Variants in SLC17A8 observed in about 807,000 individuals in gnomAD.
SLC17A8 encodes vesicular glutamate transporter 3.
Under a neutral mutation model 58.0 loss-of-function variants are expected in SLC17A8, and 31 were observed. That is an observed-to-expected ratio of 0.53 (90% CI 0.40 to 0.72). The LOEUF is 0.72. SLC17A8 is among the 30% of genes least tolerant of loss of function. The probability of loss-of-function intolerance (pLI) is 0.00; values close to 1 mark genes in which losing one functional copy is unlikely to be tolerated. For missense variants in SLC17A8, 655 were observed against 727.8 expected, an observed-to-expected ratio of 0.90 and a Z score of 1.15; for synonymous variants, 228 against 249.0, an observed-to-expected ratio of 0.92 and a Z score of 0.79.
chr12:100,404,689 T>C (rs1952814639), intron 9 of SLC17A8, among the ~76,000 whole-genome samples: 1 of 152,226 alleles, frequency 6.6e-6, no homozygotes, highest in African/African-American at 2.4e-5. Context: ...TCTTTTTTGT[T>C]TAGCTTTTAA....
At position 100,380,677 on chromosome 12, in the gene SLC17A8, C is replaced by A. The variant is rs148710845; in HGVS notation, c.102-24C>A. The stretch of plus-strand genomic sequence containing the variant: ...TTCCTTTAATCCTGGCTTTTATTTT[C>A]TGCCTATCCTTTTTCCCATGTAGAA... On this transcript the variant is annotated intron_variant, in intron 1 of 11. Transcript: ENST00000323346. 5.2e-3 allele frequency: 8,347 copies of A among 1,612,640 alleles called. 28 individuals carry two copies. Among genetic ancestry groups the A allele is most frequent in the Non-Finnish European group, 6.5e-3 (7,614 of 1,179,566 alleles).
chr12:100,373,326 T>C (rs1019103825), intron 1 of SLC17A8, among the ~76,000 whole-genome samples: 2 of 151,936 alleles, frequency 1.3e-5, no homozygotes, highest in Non-Finnish European at 2.9e-5. Context: ...TCTTCTCTTA[T>C]TCTTAAATAA....
intron 2 of SLC17A8, 51 bp downstream of exon 2, chr12:100,381,004 C>T (rs1952633789): frequency 2.5e-6 from 4 of 1,608,226 alleles, no homozygotes; most frequent in Non-Finnish European, 3.4e-6. Flanking sequence ...CAGGGTCTCG[C>T]TCGGTCTCCC....
Position 100,418,708 on chromosome 12 carries a change from C to T in SLC17A8, c.1425+552C>T, listed in dbSNP as rs1389985050. ...ACCACAGCCCACATGATTTCTTTATCTTTGTCACTGAAACGTCTCAAGATG... is the reference window on the plus strand; with the variant it reads ...ACCACAGCCCACATGATTTCTTTATTTTTGTCACTGAAACGTCTCAAGATG... On this transcript the variant is annotated intron_variant, in intron 11 of 11. Transcript: ENST00000323346. Among the ~76,000 whole-genome samples, 3 of 152,196 alleles carry T rather than the reference C, an allele frequency of 2.0e-5. No individual in the cohort carries two copies. In the East Asian group the frequency reaches 5.8e-4, roughly 29 times the overall value.
At chr12:100,418,554 A>G (rs1053600453) in intron 11 of SLC17A8, among the ~76,000 whole-genome samples, 3 of 152,248 alleles carry the variant, frequency 2.0e-5, no homozygotes, top group Non-Finnish European at 4.4e-5. Flanking sequence ...CAGCATAAAA[A>G]GATGAGTGCT....
At chr12:100,368,108 A>G (rs1333622856) in intron 1 of SLC17A8, among the ~76,000 whole-genome samples, 1 of 152,206 alleles carries the variant, frequency 6.6e-6, no homozygotes, top group Non-Finnish European at 1.5e-5. Context: ...CTGCTGTAAC[A>G]AAGTACCACA....
intron 2 of SLC17A8, among the ~76,000 whole-genome samples, chr12:100,384,300 T>A (rs1034250282): frequency 1.3e-5 from 2 of 151,860 alleles, no homozygotes; most frequent in Non-Finnish European, 2.9e-5. Flanking sequence ...CTGGCTCGAG[T>A]TAAAAGGGGA....
chr12:100,391,658 T>C (rs1952717866), intron 3 of SLC17A8, among the ~76,000 whole-genome samples: 1 of 152,112 alleles, frequency 6.6e-6, no homozygotes, highest in Non-Finnish European at 1.5e-5. Flanking sequence ...ACCTTGCAAC[T>C]CTTCAAGTGA....
intron 5 of SLC17A8, among the ~76,000 whole-genome samples, chr12:100,398,194 C>A (rs1952766320): frequency 6.6e-6 from 1 of 152,174 alleles, no homozygotes; most frequent in South Asian, 2.1e-4. Flanking sequence ...CACCGCTATG[C>A]CTACTTTGTG....
rs1027913351 is a variant in SLC17A8, at chr12:100,373,632, T to G, written c.102-7069T>G. On this transcript the variant is annotated intron_variant, in intron 1 of 11. Transcript: ENST00000323346. ...CAGAGTCTCGCTCTGTCACCCAGGC[T>G]GGAGTGCAATGGCACCATCTCGGCT... Among the ~76,000 whole-genome samples, 3 of 141,558 alleles carry G rather than the reference T, an allele frequency of 2.1e-5. No individual in the cohort carries two copies. In the Admixed American group the frequency reaches 2.3e-4, roughly 11 times the overall value. 92.9% of individuals were successfully genotyped at this position (141,558 alleles called of 152,430 possible). A position where few individuals can be genotyped will look rare whatever the true frequency, so the allele number is the denominator to read the frequency against.
chr12:100,373,485 A>G (rs965944679), intron 1 of SLC17A8, among the ~76,000 whole-genome samples: 8 of 151,956 alleles, frequency 5.3e-5, no homozygotes, highest in African/African-American at 1.9e-4. Flanking sequence ...CATTGCTTCC[A>G]GGCACGATGC....
chr12:100,414,293 C>T (rs548166237), intron 10 of SLC17A8, among the ~76,000 whole-genome samples: 40 of 152,208 alleles, frequency 2.6e-4, no homozygotes, highest in Middle Eastern at 6.8e-3. Context: ...GTCTAAACTG[C>T]CCTAAGACAG....
intron 1 of SLC17A8, among the ~76,000 whole-genome samples, chr12:100,373,424 G>A (rs1952572213): frequency 6.6e-6 from 1 of 152,048 alleles, no homozygotes; most frequent in Admixed American, 6.6e-5. Context: ...CTTCAAGCCA[G>A]GAGTGATGTC....
intron 2 of SLC17A8, among the ~76,000 whole-genome samples, chr12:100,386,662 A>G (rs1334486988): frequency 6.7e-6 from 1 of 149,128 alleles, no homozygotes; most frequent in Non-Finnish European, 1.5e-5. Context: ...AAAGATGAAT[A>G]GTATTCCATT....
At chr12:100,399,845 G>A (rs1214555974) in intron 5 of SLC17A8, among the ~76,000 whole-genome samples, 1 of 152,114 alleles carries the variant, frequency 6.6e-6, no homozygotes, top group East Asian at 1.9e-4. Flanking sequence ...GGAATTATTA[G>A]GTGCTTTTGA....
At chr12:100,408,559 C>T (rs920750956) in intron 9 of SLC17A8, among the ~76,000 whole-genome samples, 2 of 152,202 alleles carry the variant, frequency 1.3e-5, no homozygotes, top group African/African-American at 4.8e-5. Flanking sequence ...CTGAAACATG[C>T]AGCCCTGTCT....
At chr12:100,412,042 C>T (rs528132657) in intron 9 of SLC17A8, among the ~76,000 whole-genome samples, 1 of 152,096 alleles carries the variant, frequency 6.6e-6, no homozygotes, top group South Asian at 2.1e-4. Flanking sequence ...AAGGGAAAGG[C>T]CATAACTAGT....
intron 1 of SLC17A8, among the ~76,000 whole-genome samples, chr12:100,376,949 A>G (rs960650548): frequency 6.6e-6 from 1 of 152,096 alleles, no homozygotes; most frequent in African/African-American, 2.4e-5. Context: ...AGCTGGGACT[A>G]CAGGTGCTCG....
intron 1 of SLC17A8, among the ~76,000 whole-genome samples, chr12:100,366,814 A>ATT (rs1343801921): frequency 6.6e-6 from 1 of 152,076 alleles, no homozygotes; most frequent in East Asian, 1.9e-4. Flanking sequence ...TGCCCATTTT[A>ATT]TTTTTGTTCC....
Sources: allele counts gnomAD v4.1 joint callset (sites outside exome capture counted in the v4.1 genomes callset), GRCh38; gene constraint gnomAD v4.1.1; transcripts MANE v1.5; gene names NCBI Gene and HGNC (gene_info 2026-07-23, HGNC 2026-07-21).